The following SGCZ variants were observed in gnomAD, a reference collection of about 807,000 sequenced individuals.
The protein encoded by SGCZ is zeta-sarcoglycan.
SGCZ carries 40 observed loss-of-function variants against 41.3 expected under a neutral mutation model. That is an observed-to-expected ratio of 0.97 (90% CI 0.75 to 1.26). SGCZ has a LOEUF of 1.26. Among genes scored for constraint, SGCZ ranks in the 50% most tolerant of loss-of-function variants. The pLI is 0.00. For synonymous variants in SGCZ, 206 were observed against 137.5 expected (o/e 1.50, Z -3.49); for missense variants, 552 against 369.8 (o/e 1.49, Z -4.04).
At chr8:15,014,112 A>T (rs1802935606) in intron 1 of SGCZ, among the ~76,000 whole-genome samples, 1 of 152,228 alleles carries the variant, frequency 6.6e-6, no homozygotes. Context: ...GAAGGTAAAC[A>T]GTCCAAAGGT....
intron 1 of SGCZ, among the ~76,000 whole-genome samples, chr8:14,917,969 T>C (rs1294802160): frequency 1.3e-5 from 2 of 152,180 alleles, no homozygotes; most frequent in Admixed American, 6.5e-5. Context: ...TAGTTGCTAT[T>C]ACACCTGTTA....
At chr8:15,012,554 A>T (rs941383147) in intron 1 of SGCZ, among the ~76,000 whole-genome samples, 4 of 98,808 alleles carry the variant, frequency 4.0e-5, no homozygotes, top group Non-Finnish European at 5.8e-5. Flanking sequence ...ATGAATATTT[A>T]TATATAACAT....
intron 1 of SGCZ, among the ~76,000 whole-genome samples, chr8:15,083,462 T>C (rs1805829673): frequency 1.3e-5 from 2 of 152,188 alleles, no homozygotes; most frequent in South Asian, 4.1e-4. Context: ...ATGGCCTCTA[T>C]AAACATGGGA....
chr8:14,784,853 G>A (rs1423935218), intron 1 of SGCZ, among the ~76,000 whole-genome samples: 1 of 134,128 alleles, frequency 7.5e-6, no homozygotes, highest in Non-Finnish European at 1.5e-5. Flanking sequence ...GGTGAGCCGA[G>A]ATCATGCCAT....
At chr8:15,209,475 TAAAAAAAAAAAAAAAAAA>T (rs57088562) in intron 1 of SGCZ, among the ~76,000 whole-genome samples, 2,702 of 142,246 alleles carry the variant, frequency 0.019, 31 homozygotes, top group African/African-American at 0.033. Context: ...AGCATAATAG[TAAAAAAAAAAAAAAAAAA>T]AAAAAAAAAA....
chr8:14,102,505 G>T lies in SGCZ; in HGVS notation c.621-6C>A. On this transcript the variant is annotated splice_polypyrimidine_tract_variant and splice_region_variant and intron_variant, in intron 6 of 7. Coordinates refer to ENST00000382080, the MANE Select transcript of SGCZ (RefSeq NM_139167.4). ...ATCTGGTGGGTGATTCAAGCCTAAG[G>T]GAAAAACAAAAAATCATTAATAGGA... The T allele has an allele frequency of 3.6e-6, 5 of 1,383,234 alleles. No individual in the cohort carries two copies. The highest frequency in any genetic ancestry group is 4.7e-6 in the Non-Finnish European group (5 of 1,055,594). 85.7% of individuals were successfully genotyped at this position (1,383,234 alleles called of 1,614,324 possible).
intron 1 of SGCZ, among the ~76,000 whole-genome samples, chr8:15,190,619 TG>T (rs1284135240): frequency 6.6e-6 from 1 of 151,924 alleles, no homozygotes; most frequent in East Asian, 1.9e-4. Context: ...ATCATTCAGA[TG>T]TTTTTCAGAT....
At chr8:14,709,106 C>G (rs1809432080) in intron 1 of SGCZ, among the ~76,000 whole-genome samples, 1 of 152,116 alleles carries the variant, frequency 6.6e-6, no homozygotes, top group Non-Finnish European at 1.5e-5. Context: ...CTATCCCTTT[C>G]TCCTTTTTTG....
intron 2 of SGCZ, among the ~76,000 whole-genome samples, chr8:14,447,310 T>C (rs543753983): frequency 1.3e-5 from 2 of 152,316 alleles, no homozygotes; most frequent in South Asian, 4.1e-4. Context: ...GTTTAATGCA[T>C]GTTTTTTTAT....
chr8:14,406,183 C>G (rs1799207600), intron 2 of SGCZ, among the ~76,000 whole-genome samples: 1 of 152,136 alleles, frequency 6.6e-6, no homozygotes, highest in African/African-American at 2.4e-5. Flanking sequence ...GCCTTAATTT[C>G]TGCACTTCCC....
At chr8:15,131,224 A>G (rs1807887658) in intron 1 of SGCZ, among the ~76,000 whole-genome samples, 1 of 152,302 alleles carries the variant, frequency 6.6e-6, no homozygotes, top group East Asian at 1.9e-4. Context: ...TGCTGTGGGA[A>G]GGGCCCAGTG....
chr8:14,186,024 G>A (rs1804891831), intron 4 of SGCZ, among the ~76,000 whole-genome samples: 1 of 152,092 alleles, frequency 6.6e-6, no homozygotes, highest in Non-Finnish European at 1.5e-5. Context: ...TACAACCTTT[G>A]AGTTGCACAC....
intron 3 of SGCZ, among the ~76,000 whole-genome samples, chr8:14,270,771 C>T (rs942903280): frequency 6.6e-6 from 1 of 152,020 alleles, no homozygotes; most frequent in Admixed American, 6.5e-5. Context: ...TTCACATTTA[C>T]AATAGCAAAG....
intron 1 of SGCZ, among the ~76,000 whole-genome samples, chr8:14,675,716 C>G (rs538925181): frequency 1.3e-5 from 2 of 152,282 alleles, no homozygotes; most frequent in East Asian, 3.9e-4. Context: ...CCTTAAACAC[C>G]TGGAACTCCC....
chr8:14,481,786 G>T (rs538730119), intron 2 of SGCZ, among the ~76,000 whole-genome samples: 15 of 152,232 alleles, frequency 9.9e-5, no homozygotes, highest in African/African-American at 2.9e-4. Context: ...TAGATGAGAG[G>T]TTCCATCTCT....
At chr8:14,302,170 A>C (rs1055139928) in intron 3 of SGCZ, among the ~76,000 whole-genome samples, 11 of 152,266 alleles carry the variant, frequency 7.2e-5, no homozygotes, top group Admixed American at 5.9e-4. Flanking sequence ...ATTCAAATAC[A>C]CCTCTTAACA....
chr8:14,471,221 G>A (rs1410253916), intron 2 of SGCZ, among the ~76,000 whole-genome samples: 4 of 152,048 alleles, frequency 2.6e-5, no homozygotes, highest in African/African-American at 9.7e-5. Flanking sequence ...TCAGAATATA[G>A]ACAATCTGTG....
chr8:14,444,327 G>A (rs535052564), intron 2 of SGCZ, among the ~76,000 whole-genome samples: 8 of 152,066 alleles, frequency 5.3e-5, no homozygotes, highest in South Asian at 4.2e-4. Context: ...TACCCAAAGG[G>A]CTATAAATCA....
chr8:14,344,085 A>G (rs1188569045), intron 2 of SGCZ, among the ~76,000 whole-genome samples: 1 of 152,202 alleles, frequency 6.6e-6, no homozygotes, highest in African/African-American at 2.4e-5. Context: ...TAAGAACTTT[A>G]TTGATGGGCA....
Sources: gnomAD v4.1 joint callset for allele counts (sites outside exome capture counted in the v4.1 genomes callset) on GRCh38, gnomAD v4.1.1 for gene constraint, MANE v1.5 for transcripts, NCBI Gene and HGNC (gene_info 2026-07-23, HGNC 2026-07-21) for gene names.